The following CYRIB variants were observed in gnomAD, a reference collection of about 807,000 sequenced individuals.
CYRIB encodes CYFIP related Rac1 interactor B.
Under a neutral mutation model 44.2 loss-of-function variants are expected in CYRIB, and 8 were observed. The observed-to-expected ratio is 0.18, with a 90% CI of 0.11 to 0.33. The LOEUF (loss-of-function observed/expected upper bound fraction) is 0.33. Among genes scored for constraint, CYRIB ranks in the 10% least tolerant of loss-of-function variants. The probability of loss-of-function intolerance (pLI) is 1.00; values close to 1 mark genes in which losing one functional copy is unlikely to be tolerated. For missense variants in CYRIB, 185 were observed against 382.8 expected, an observed-to-expected ratio of 0.48 and a Z score of 4.31; for synonymous variants, 131 against 127.2, an observed-to-expected ratio of 1.03 and a Z score of -0.20.
intron 1 of CYRIB, among the ~76,000 whole-genome samples, chr8:129,925,407 T>TG (rs2086960331): frequency 6.6e-6 from 1 of 151,792 alleles, no homozygotes; most frequent in Non-Finnish European, 1.5e-5. Context: ...ATAATAATAA[T>TG]AATGATGACA....
chr8:129,933,435 A>G (rs1489509458), intron 1 of CYRIB, among the ~76,000 whole-genome samples: 3 of 152,166 alleles, frequency 2.0e-5, no homozygotes, highest in African/African-American at 7.2e-5. Context: ...TAACCATTCT[A>G]TCTAGTCCTG....
chr8:129,947,296 G>A (rs1467692245), intron 2 of CYRIB, among the ~76,000 whole-genome samples: 1 of 152,148 alleles, frequency 6.6e-6, no homozygotes, highest in Admixed American at 6.5e-5. Flanking sequence ...CTGACTTCAA[G>A]TGATCCTCCT....
At chr8:129,987,562 T>C (rs557076093) in intron 1 of CYRIB, among the ~76,000 whole-genome samples, 2 of 75,104 alleles carry the variant, frequency 2.7e-5, no homozygotes, top group African/African-American at 6.9e-5. Context: ...TTGTCTTTTT[T>C]TTTTTCTTTT....
intron 2 of CYRIB, among the ~76,000 whole-genome samples, chr8:129,955,795 G>A (rs2131505219): frequency 6.6e-6 from 1 of 152,282 alleles, no homozygotes; most frequent in East Asian, 1.9e-4. Flanking sequence ...CTGGTTTACT[G>A]CACTCTTTTC....
At chr8:129,919,653 C>G (rs1450176417) in intron 1 of CYRIB, among the ~76,000 whole-genome samples, 1 of 152,000 alleles carries the variant, frequency 6.6e-6, no homozygotes, top group Non-Finnish European at 1.5e-5. Context: ...AAAAAAACAC[C>G]AGTACTACTA....
At chr8:129,981,602 A>C (rs1365701250) in intron 1 of CYRIB, among the ~76,000 whole-genome samples, 1 of 152,224 alleles carries the variant, frequency 6.6e-6, no homozygotes, top group African/African-American at 2.4e-5. Flanking sequence ...GTCACTATTT[A>C]CTTGAAAATG....
chr8:129,860,857 G>A (rs549412810), intron 5 of CYRIB, among the ~76,000 whole-genome samples: 2 of 132,200 alleles, frequency 1.5e-5, no homozygotes, highest in East Asian at 2.4e-4. Context: ...GCTAGTTGGA[G>A]GCTTAAAGAA....
chr8:129,852,145 G>A lies in CYRIB; in HGVS notation c.633+17C>T. 1 of 1,467,470 alleles carries A rather than the reference G, an allele frequency of 6.8e-7. No homozygotes were observed. The highest frequency in any genetic ancestry group is 9.2e-7 in the Non-Finnish European group (1 of 1,083,850). 90.9% of individuals were successfully genotyped at this position (1,467,470 alleles called of 1,614,324 possible). A position where few individuals can be genotyped will look rare whatever the true frequency, so the allele number is the denominator to read the frequency against. ...GCATAAATAACAACACAGAGTACCTGCCTAGGCAATGCTTACCTCTGATAC... is the reference window on the plus strand; with the variant it reads ...GCATAAATAACAACACAGAGTACCTACCTAGGCAATGCTTACCTCTGATAC... On this transcript the variant is annotated intron_variant, in intron 8 of 11. Coordinates refer to ENST00000519824, the Ensembl canonical transcript of CYRIB.
intron 1 of CYRIB, among the ~76,000 whole-genome samples, chr8:130,013,684 G>A (rs2097277621): frequency 6.6e-6 from 1 of 152,110 alleles, no homozygotes; most frequent in Admixed American, 6.5e-5. Context: ...CCTGGCACCC[G>A]CGTCCCTCGG....
upstream of CYRIB, chr8:129,940,015 G>A (rs1279979041): frequency 1.3e-5 from 2 of 152,186 alleles, no homozygotes; most frequent in Non-Finnish European, 2.9e-5. Context: ...GCGGCGTGCA[G>A]AGGAAGGAGG....
chr8:129,862,295 C>A (rs1320367165), exon 5 of CYRIB: 1 of 1,613,736 alleles, frequency 6.2e-7, no homozygotes, highest in South Asian at 1.1e-5. Context: ...GCACCCCATG[C>A]CTTCTCTTGC....
At chr8:129,931,576 A>T (rs1590212963) in intron 1 of CYRIB, among the ~76,000 whole-genome samples, 1 of 152,202 alleles carries the variant, frequency 6.6e-6, no homozygotes, top group Admixed American at 6.5e-5. Context: ...AAAACAGATT[A>T]AAAAATGAAC....
At chr8:129,853,954 G>A (rs183842083) in intron 7 of CYRIB, among the ~76,000 whole-genome samples, 13 of 152,232 alleles carry the variant, frequency 8.5e-5, no homozygotes, top group African/African-American at 2.6e-4. Context: ...CAAAAAACTC[G>A]TAACTATGAA....
chr8:129,953,703 C>A (rs543919524), intron 2 of CYRIB, among the ~76,000 whole-genome samples: 25 of 152,286 alleles, frequency 1.6e-4, no homozygotes, highest in Admixed American at 8.5e-4. Context: ...ATTGGTCCAG[C>A]CTGAATCAGC....
intron 2 of CYRIB, among the ~76,000 whole-genome samples, chr8:129,953,431 G>T (rs1397746840): frequency 2.6e-5 from 4 of 152,146 alleles, no homozygotes; most frequent in African/African-American, 4.8e-5. Context: ...ATTGGCCTGG[G>T]TTCCTCATCA....
intron 2 of CYRIB, among the ~76,000 whole-genome samples, chr8:129,890,166 G>A (rs1461721783): frequency 6.6e-6 from 1 of 152,226 alleles, no homozygotes; most frequent in Non-Finnish European, 1.5e-5. Flanking sequence ...ATAAGCACTG[G>A]CAAGGTCTGA....
intron 5 of CYRIB, among the ~76,000 whole-genome samples, chr8:129,860,541 T>A (rs2048821673): frequency 6.6e-6 from 1 of 152,214 alleles, no homozygotes; most frequent in Non-Finnish European, 1.5e-5. Context: ...AAAGATAATT[T>A]ATACAATATT....
intron 1 of CYRIB, among the ~76,000 whole-genome samples, chr8:129,929,450 G>C (rs2089983456): frequency 6.6e-6 from 1 of 152,166 alleles, no homozygotes; most frequent in Non-Finnish European, 1.5e-5. Flanking sequence ...TGGTTGCAAA[G>C]CTGAATAAAC....
chr8:129,865,608 T>C (rs982878996), intron 4 of CYRIB, among the ~76,000 whole-genome samples: 1 of 152,230 alleles, frequency 6.6e-6, no homozygotes, highest in Non-Finnish European at 1.5e-5. Context: ...GCAAGAGGCT[T>C]TTCTTAGGAA....
Sources: allele counts gnomAD v4.1 joint callset (sites outside exome capture counted in the v4.1 genomes callset), GRCh38; gene constraint gnomAD v4.1.1; transcripts MANE v1.5; gene names NCBI Gene and HGNC (gene_info 2026-07-23, HGNC 2026-07-21).